SLC9A9: variants seen among roughly 807,000 people sequenced by gnomAD.
SLC9A9 encodes sodium/hydrogen exchanger 9.
A neutral mutation model predicts 77.8 loss-of-function variants in SLC9A9; 62 were observed. The ratio of observed to expected loss-of-function variants is 0.80; its 90% CI spans 0.65 to 0.98. The LOEUF is 0.98. Ranked by LOEUF, SLC9A9 falls within the 50% of genes least tolerant of loss-of-function variation. The pLI is 0.00. For synonymous variants in SLC9A9, 320 were observed against 283.5 expected (o/e 1.13, Z -1.29); for missense variants, 775 against 774.9 (o/e 1.00, Z 0.00).
Position 143,729,086 on chromosome 3 carries a change from G to A in SLC9A9, c.534-35779C>T, listed in dbSNP as rs75281907. ...TACCACCAGGCAGTTCCACCCTCAC[G>A]CCTTATTCCCTCTGCTTAGAACACC... On this transcript the variant is annotated intron_variant, in intron 4 of 15. Coordinates refer to ENST00000316549, the MANE Select transcript of SLC9A9 (RefSeq NM_173653.4). Among the ~76,000 whole-genome samples the A allele has an allele frequency of 4.5e-4, 68 of 152,148 alleles. 1 individual carries two copies. In the East Asian group the frequency reaches 7.7e-3, roughly 17 times the overall value.
rs1447386934 is a variant in SLC9A9, at chr3:143,648,524, C to T, written c.755+3731G>A. Among the ~76,000 whole-genome samples, 4 of 152,310 alleles carry T rather than the reference C, an allele frequency of 2.6e-5. No individual in the cohort carries two copies. In the East Asian group the frequency reaches 5.8e-4, roughly 22 times the overall value. ...CACCTCCTGCTGTGTGGCCCAGTTC[C>T]TAACAGGCCACAGACCAGTGCCGGT... On this transcript the variant is annotated intron_variant, in intron 6 of 15. Transcript: ENST00000316549.
At chr3:143,741,559 A>C (rs73154710) in intron 4 of SLC9A9, among the ~76,000 whole-genome samples, 8,620 of 152,210 alleles carry the variant, frequency 0.057, 290 homozygotes, top group Middle Eastern at 0.075. Context: ...TCACTTTGTA[A>C]GTGTGGGTTA....
chr3:143,840,552 T>C (rs2009681160), intron 1 of SLC9A9, among the ~76,000 whole-genome samples: 1 of 152,184 alleles, frequency 6.6e-6, no homozygotes, highest in Non-Finnish European at 1.5e-5. Context: ...GCTGGGACAA[T>C]GTTTCCAGGT....
intron 7 of SLC9A9, 121 bp from the exon 8 acceptor site, chr3:143,574,314 A>T: frequency 2.5e-6 from 2 of 813,352 alleles, no homozygotes; most frequent in Non-Finnish European, 4.1e-6. Flanking sequence ...ACTGATATTC[A>T]GACCTGACTG....
At chr3:143,551,059 G>T (rs1020034520) in intron 9 of SLC9A9, among the ~76,000 whole-genome samples, 1 of 152,146 alleles carries the variant, frequency 6.6e-6, no homozygotes, top group African/African-American at 2.4e-5. Context: ...AATATGACCC[G>T]TGTCCTTACA....
chr3:143,628,459 A>G (rs1185817793), intron 6 of SLC9A9, among the ~76,000 whole-genome samples: 1 of 152,190 alleles, frequency 6.6e-6, no homozygotes, highest in Non-Finnish European at 1.5e-5. Flanking sequence ...TCCAAAAGTG[A>G]AAAACAGAAT....
chr3:143,734,846 C>T (rs754060229), intron 4 of SLC9A9, among the ~76,000 whole-genome samples: 2 of 151,934 alleles, frequency 1.3e-5, no homozygotes, highest in Non-Finnish European at 2.9e-5. Flanking sequence ...AATAACATGA[C>T]CATGCTGTTT....
intron 11 of SLC9A9, among the ~76,000 whole-genome samples, chr3:143,477,587 C>T (rs981297675): frequency 3.3e-5 from 5 of 152,070 alleles, no homozygotes; most frequent in Admixed American, 6.6e-5. Flanking sequence ...GGGGCATCCC[C>T]CAAACCCCAC....
intron 14 of SLC9A9, among the ~76,000 whole-genome samples, chr3:143,273,622 G>T (rs991329339): frequency 6.6e-6 from 1 of 152,154 alleles, no homozygotes; most frequent in Non-Finnish European, 1.5e-5. Flanking sequence ...AGTAGACTAA[G>T]ACATCACTTA....
intron 4 of SLC9A9, among the ~76,000 whole-genome samples, chr3:143,750,528 A>G (rs1309728741): frequency 1.3e-5 from 2 of 152,206 alleles, no homozygotes; most frequent in Non-Finnish European, 2.9e-5. Flanking sequence ...TGACATAAAC[A>G]TTAATCAAAT....
At chr3:143,339,401 G>A (rs773242810) in intron 14 of SLC9A9, among the ~76,000 whole-genome samples, 37 of 152,068 alleles carry the variant, frequency 2.4e-4, no homozygotes, top group African/African-American at 3.4e-4. Context: ...TGCAGCTTCC[G>A]GCTCTCTTGC....
intron 2 of SLC9A9, among the ~76,000 whole-genome samples, chr3:143,812,043 G>A (rs2008882529): frequency 6.6e-6 from 1 of 152,092 alleles, no homozygotes; most frequent in Non-Finnish European, 1.5e-5. Flanking sequence ...TCCAACAGGA[G>A]GATACAACCA....
rs567007765 is a variant in SLC9A9, at chr3:143,329,648, G to T, written c.1604+33836C>A. ...TCGTCTCTGGGGCTGATGGAGAAGT[G>T]CTCGCCTCTCTGGCAGAGGGAGCTT... On this transcript the variant is annotated intron_variant, in intron 14 of 15. Transcript: ENST00000316549. 1.8e-4 allele frequency among the ~76,000 whole-genome samples: 27 copies of T among 152,298 alleles called. No individual in the cohort carries two copies. In the South Asian group the frequency reaches 5.6e-3, roughly 32 times the overall value.
chr3:143,718,916 A>G (rs1231664389), intron 4 of SLC9A9, among the ~76,000 whole-genome samples: 1 of 152,140 alleles, frequency 6.6e-6, no homozygotes, highest in Non-Finnish European at 1.5e-5. Context: ...TAGCTACTTA[A>G]TCTAGGACGA....
chr3:143,522,463 T>C (rs1317048879), intron 9 of SLC9A9, among the ~76,000 whole-genome samples: 4 of 152,156 alleles, frequency 2.6e-5, no homozygotes, highest in African/African-American at 9.7e-5. Flanking sequence ...CTTCCTATAC[T>C]CATGACAGGC....
At chr3:143,533,989 T>C (rs2036552747) in intron 9 of SLC9A9, among the ~76,000 whole-genome samples, 1 of 152,218 alleles carries the variant, frequency 6.6e-6, no homozygotes. Flanking sequence ...GGCAAATGCT[T>C]TTATTAAAGA....
At position 143,493,700 on chromosome 3, in the gene SLC9A9, C is replaced by A. The variant is rs368254745; in HGVS notation, c.1268G>T (p.Arg423Leu). The change falls in exon 11 of 16, where the codon CGA (arginine) becomes CTA (leucine). Residue 423 changes from arginine to leucine, a missense_variant. Physicochemically the swap from Arg to Leu is moderately radical, Grantham distance 102. Transcript: ENST00000316549. ...AAAGTTCCAGGGGATCTTCTGTTTT[C>A]GGCCTAGATTCAGGAGGAAGGAGAG... Reference protein sequence around the residue: ...YPLSFLLNLGRKQKIPWNFQH... With the variant: ...YPLSFLLNLGLKQKIPWNFQH... 2 of 1,613,950 alleles carry A rather than the reference C, an allele frequency of 1.2e-6. No individual in the cohort carries two copies. Among genetic ancestry groups the A allele is most frequent in the Admixed American group, 1.7e-5 (1 of 60,006 alleles).
rs561346151 is a variant in SLC9A9, at chr3:143,593,353, T to C, written c.756-14630A>G. 2.6e-5 allele frequency among the ~76,000 whole-genome samples: 4 copies of C among 152,378 alleles called. No individual in the cohort carries two copies. The South Asian group carries it at 6.2e-4, about 24-fold the overall frequency. ...TTGTATTACCATTCTCACCATCTGA[T>C]GGATAAGCTACCAGCTAGTGGGTAC... On this transcript the variant is annotated intron_variant, in intron 6 of 15. Coordinates refer to ENST00000316549, the MANE Select transcript of SLC9A9 (RefSeq NM_173653.4).
rs1193095677 is a variant in SLC9A9 at position 143,794,904 on chromosome 3, A to AT, written c.533+96dup. Reference sequence around the variant, plus strand: ...TATGTGATATACTAAAAAAAAGACAATTTTCCCAGCCAGCAAGAATCCTGG... The same window carrying AT: ...TATGTGATATACTAAAAAAAAGACAATTTTTCCCAGCCAGCAAGAATCCTGG... On this transcript the variant is annotated intron_variant, in intron 4 of 15. Transcript: ENST00000316549. 7 of 1,166,950 alleles carry AT rather than the reference A, an allele frequency of 6.0e-6. No homozygotes were observed. In the Admixed American group the frequency reaches 1.2e-4, roughly 20 times the overall value. 72.3% of individuals were successfully genotyped at this position (1,166,950 alleles called of 1,614,324 possible).
Sources: gnomAD v4.1 joint callset for allele counts (sites outside exome capture counted in the v4.1 genomes callset) on GRCh38, gnomAD v4.1.1 for gene constraint, MANE v1.5 for transcripts, NCBI Gene and HGNC (gene_info 2026-07-23, HGNC 2026-07-21) for gene names.